The following MTCL1 variants were observed in gnomAD, a reference collection of about 807,000 sequenced individuals.
MTCL1 encodes the protein microtubule crosslinking factor 1.
MTCL1 carries 79 observed loss-of-function variants against 141.4 expected under a neutral mutation model. The observed-to-expected ratio is 0.56, with a 90% CI of 0.47 to 0.67. The LOEUF (loss-of-function observed/expected upper bound fraction) is 0.67, where lower values mean the gene tolerates loss of function less well. Among genes scored for constraint, MTCL1 ranks in the 30% least tolerant of loss-of-function variants. MTCL1 has a pLI of 0.00. For missense variants in MTCL1, 2,177 were observed against 2,113.9 expected (o/e 1.03, Z -0.59); for synonymous variants, 914 against 875.8 (o/e 1.04, Z -0.77).
chr18:8,772,949 C>G (rs939846289), intron 4 of MTCL1, among the ~76,000 whole-genome samples: 1 of 151,996 alleles, frequency 6.6e-6, no homozygotes, highest in African/African-American at 2.4e-5. Flanking sequence ...AGAAAGGTAA[C>G]TGTATGAGAT....
intron 10 of MTCL1, among the ~76,000 whole-genome samples, chr18:8,803,547 A>G (rs1425192660): frequency 6.6e-6 from 1 of 152,204 alleles, no homozygotes; most frequent in Admixed American, 6.5e-5. Flanking sequence ...AAATGTTGAC[A>G]CAGACATCCA....
chr18:8,751,549 CATCA>C (rs1164886362), intron 4 of MTCL1, among the ~76,000 whole-genome samples: 1 of 152,188 alleles, frequency 6.6e-6, no homozygotes. Context: ...ACACTCATGT[CATCA>C]ACACTCTAAA....
At chr18:8,774,022 C>A (rs1174858361) in intron 4 of MTCL1, among the ~76,000 whole-genome samples, 1 of 152,312 alleles carries the variant, frequency 6.6e-6, no homozygotes, top group East Asian at 1.9e-4. Flanking sequence ...TAGTTTGAGG[C>A]TTTGCAGGCC....
intron 10 of MTCL1, among the ~76,000 whole-genome samples, chr18:8,799,158 C>A (rs557943651): frequency 4.2e-4 from 64 of 152,356 alleles, no homozygotes; most frequent in African/African-American, 1.5e-3. Flanking sequence ...CACAGACACT[C>A]TGGGGCACTC....
At chr18:8,799,618 ATGT>A (rs1568062071) in intron 10 of MTCL1, among the ~76,000 whole-genome samples, 1 of 152,328 alleles carries the variant, frequency 6.6e-6, no homozygotes, top group Non-Finnish European at 1.5e-5. Flanking sequence ...TTGAAAAGAA[ATGT>A]TGTCATTCAA....
intron 10 of MTCL1, among the ~76,000 whole-genome samples, chr18:8,806,680 C>A (rs539033672): frequency 6.6e-6 from 1 of 152,272 alleles, no homozygotes; most frequent in Admixed American, 6.5e-5. Context: ...ATCAAACAGG[C>A]CCTCAGTCTC....
intron 4 of MTCL1, among the ~76,000 whole-genome samples, chr18:8,760,138 C>T (rs542333811): frequency 3.9e-4 from 59 of 152,292 alleles, no homozygotes; most frequent in African/African-American, 1.3e-3. Context: ...ATCTGGAACG[C>T]GAGAGCGGTC....
Position 8,819,411 on chromosome 18 carries a change from A to C in MTCL1, c.3156+152A>C, listed in dbSNP as rs1039122648. On this transcript the variant is annotated intron_variant, in intron 13 of 16. Coordinates refer to ENST00000359865, the Ensembl canonical transcript of MTCL1. ...ATTGAGTAAAAATGAAATCTTCACAACACCAAGGGTTTTGCTTCACCCTAA... is the reference window on the plus strand; with the variant it reads ...ATTGAGTAAAAATGAAATCTTCACACCACCAAGGGTTTTGCTTCACCCTAA... 6 of 780,458 alleles carry C rather than the reference A, an allele frequency of 7.7e-6. No homozygotes were observed. The African/African-American group carries it at 1.0e-4, about 14-fold the overall frequency. The allele number at this position is 780,458 out of a possible 1,614,324, so 48.3% of individuals were successfully genotyped here.
chr18:8,796,165 CTTGGTTTGGT>C (rs1178267668), intron 8 of MTCL1, 57 bp from the exon 8 acceptor site: 57 of 1,535,168 alleles, frequency 3.7e-5, no homozygotes, highest in Non-Finnish European at 4.9e-5. Context: ...TGCAGGGACT[CTTGGTTTGGT>C]TTGGGTGGCG....
At chr18:8,825,239 C>G (rs779523826) in exon 15 of MTCL1, 1 of 1,596,522 alleles carries the variant, frequency 6.3e-7, no homozygotes, top group Non-Finnish European at 8.5e-7. Flanking sequence ...GCACCTCCCC[C>G]AGGCACTCCC....
chr18:8,758,746 T>A (rs2096415229), intron 4 of MTCL1, among the ~76,000 whole-genome samples: 1 of 152,290 alleles, frequency 6.6e-6, no homozygotes, highest in Non-Finnish European at 1.5e-5. Flanking sequence ...TAATTGTAAA[T>A]TCTTGGTTAT....
chr18:8,795,228 G>A lies in MTCL1; in HGVS notation c.2011-1004G>A, dbSNP rs137868770. On this transcript the variant is annotated intron_variant, in intron 8 of 16. Coordinates refer to ENST00000359865, the Ensembl canonical transcript of MTCL1. ...AGCACATTGGCCTCGGGCAGCTGTG[G>A]TTCTATTCCCATGGCCTCTGAGAAT... Among the ~76,000 whole-genome samples, 310 of 152,328 alleles carry A rather than the reference G, an allele frequency of 2.0e-3. 1 individual carries two copies. Among genetic ancestry groups the A allele is most frequent in the African/African-American group, 7.2e-3 (299 of 41,568 alleles).
At chr18:8,735,954 G>A (rs1287147917) in intron 4 of MTCL1, among the ~76,000 whole-genome samples, 4 of 152,126 alleles carry the variant, frequency 2.6e-5, no homozygotes, top group African/African-American at 9.7e-5. Flanking sequence ...GAAAAGAAAT[G>A]GGGAAATTCA....
At chr18:8,774,676 C>G (rs2096498369) in intron 4 of MTCL1, among the ~76,000 whole-genome samples, 1 of 152,196 alleles carries the variant, frequency 6.6e-6, no homozygotes, top group Non-Finnish European at 1.5e-5. Context: ...TTAGTAGAGA[C>G]AGAGTTTCAC....
At chr18:8,748,570 A>G (rs2096353675) in intron 4 of MTCL1, among the ~76,000 whole-genome samples, 1 of 152,056 alleles carries the variant, frequency 6.6e-6, no homozygotes, top group Non-Finnish European at 1.5e-5. Flanking sequence ...GTATGTGTAT[A>G]TATATATATG....
chr18:8,734,109 C>T (rs151211133), intron 4 of MTCL1, among the ~76,000 whole-genome samples: 53 of 152,042 alleles, frequency 3.5e-4, no homozygotes, highest in African/African-American at 1.2e-3. Flanking sequence ...TCTCTGCTGT[C>T]GTTTTAGACT....
chr18:8,817,505 C>A (rs1205292952), intron 12 of MTCL1, among the ~76,000 whole-genome samples: 1 of 152,166 alleles, frequency 6.6e-6, no homozygotes, highest in African/African-American at 2.4e-5. Flanking sequence ...TTAGAAATCA[C>A]TAACAATGAG....
intron 4 of MTCL1, among the ~76,000 whole-genome samples, chr18:8,739,033 G>A (rs1018151638): frequency 6.6e-6 from 1 of 152,176 alleles, no homozygotes; most frequent in African/African-American, 2.4e-5. Context: ...GAGGCCAGAA[G>A]TTCGAGACAA....
At position 8,821,486 on chromosome 18, in the gene MTCL1, GA is replaced by G; in HGVS notation, c.3179del (p.Asn1060IlefsTer17). ...TTATAGGAAGAAGAAAATCACAAAG[GA>G]AATCTTCAAAGGTAAGTAAGATTGA... On this transcript the variant is annotated frameshift_variant, in exon 14 of 17. Transcript: ENST00000359865. LOFTEE classifies it high-confidence loss of function. 1 of 1,426,364 alleles carries G rather than the reference GA, an allele frequency of 7.0e-7. No homozygotes were observed. Among genetic ancestry groups the G allele is most frequent in the Non-Finnish European group, 9.8e-7 (1 of 1,024,234 alleles). The allele number at this position is 1,426,364 out of a possible 1,614,324, so 88.4% of individuals were successfully genotyped here. A position where few individuals can be genotyped will look rare whatever the true frequency, so the allele number is the denominator to read the frequency against.
Sources: allele counts gnomAD v4.1 joint callset (sites outside exome capture counted in the v4.1 genomes callset), GRCh38; gene constraint gnomAD v4.1.1; transcripts MANE v1.5; gene names NCBI Gene and HGNC (gene_info 2026-07-23, HGNC 2026-07-21).